The following STAT5B variants were observed in gnomAD, a reference collection of about 807,000 sequenced individuals.
STAT5B encodes signal transducer and activator of transcription 5B.
A neutral mutation model predicts 107.8 loss-of-function variants in STAT5B; 21 were observed. The ratio of observed to expected loss-of-function variants is 0.19; its 90% CI spans 0.14 to 0.28. The LOEUF (loss-of-function observed/expected upper bound fraction) is 0.28, where lower values mean the gene tolerates loss of function less well. STAT5B is among the 10% of genes least tolerant of loss of function. STAT5B has a pLI of 1.00. For missense variants in STAT5B, 565 were observed against 1,008.2 expected (o/e 0.56, Z 5.95); for synonymous variants, 325 against 401.7 (o/e 0.81, Z 2.28).
At chr17:42,260,005 C>T (rs1412679235) in intron 1 of STAT5B, among the ~76,000 whole-genome samples, 1 of 152,142 alleles carries the variant, frequency 6.6e-6, no homozygotes, top group African/African-American at 2.4e-5. Context: ...AAGCAGGAGA[C>T]AGCCCTATAT....
At chr17:42,277,815 G>A (rs1379095335), upstream of STAT5B, among the ~76,000 whole-genome samples, 1 of 150,564 alleles carries the variant, frequency 6.6e-6, no homozygotes, top group African/African-American at 2.5e-5. Flanking sequence ...GAGTGAAATG[G>A]TGCGGTCTCA....
intron 1 of STAT5B, among the ~76,000 whole-genome samples, chr17:42,248,090 G>A (rs111355114): frequency 3.8e-4 from 57 of 151,700 alleles, no homozygotes; most frequent in African/African-American, 1.2e-3. Flanking sequence ...AAGCCTAGGC[G>A]ACATAGTGAG....
chr17:42,212,448 A>G (rs78585540), intron 12 of STAT5B, among the ~76,000 whole-genome samples: 1,797 of 152,340 alleles, frequency 0.012, 28 homozygotes, highest in African/African-American at 0.041. Context: ...CTAACAGTCA[A>G]ATCCTATGTT....
At chr17:42,205,560 G>A (rs570594165) in intron 16 of STAT5B, among the ~76,000 whole-genome samples, 5 of 152,218 alleles carry the variant, frequency 3.3e-5, no homozygotes, top group African/African-American at 1.2e-4. Flanking sequence ...GGCATACAAT[G>A]TTTTTCTCTA....
intron 1 of STAT5B, among the ~76,000 whole-genome samples, chr17:42,244,188 G>A (rs1350437619): frequency 1.3e-5 from 2 of 150,910 alleles, no homozygotes; most frequent in East Asian, 3.9e-4. Context: ...CCTGGGTTCA[G>A]GTGATCCTCC....
chr17:42,209,002 G>A (rs2080107709), intron 15 of STAT5B, among the ~76,000 whole-genome samples: 1 of 150,846 alleles, frequency 6.6e-6, no homozygotes. Context: ...CAAAGTGCTG[G>A]GATTACAGGC....
chr17:42,274,596 A>G (rs2080749721), intron 1 of STAT5B, among the ~76,000 whole-genome samples: 1 of 152,226 alleles, frequency 6.6e-6, no homozygotes, highest in Non-Finnish European at 1.5e-5. Context: ...TTAAAATAAA[A>G]TCAATCAATA....
chr17:42,212,924 T>C (rs944286190), intron 12 of STAT5B, among the ~76,000 whole-genome samples: 3 of 152,252 alleles, frequency 2.0e-5, no homozygotes, highest in African/African-American at 7.2e-5. Context: ...CAGTTTCTTG[T>C]GTATCCCACC....
chr17:42,227,162 A>AATAAATAAATAG (rs2080280675), intron 3 of STAT5B, among the ~76,000 whole-genome samples: 1 of 150,104 alleles, frequency 6.7e-6, no homozygotes, highest in African/African-American at 2.4e-5. Flanking sequence ...TAAATAAATA[A>AATAAATAAATAG]ATAAATAAAT....
intron 8 of STAT5B, 63 bp downstream of exon 8, chr17:42,218,660 G>A: frequency 1.2e-6 from 2 of 1,612,324 alleles, no homozygotes; most frequent in South Asian, 1.1e-5. Context: ...GGCACCTGCG[G>A]CTCCCCCCAC....
At chr17:42,268,023 T>C (rs894431851) in intron 1 of STAT5B, among the ~76,000 whole-genome samples, 2 of 151,758 alleles carry the variant, frequency 1.3e-5, no homozygotes, top group African/African-American at 2.4e-5. Context: ...AAGGTTATTA[T>C]TGAAGAAAGA....
chr17:42,284,132 C>G, the STAT5B span, among the ~76,000 whole-genome samples: 25 of 152,248 alleles, frequency 1.6e-4, no homozygotes, highest in African/African-American at 5.8e-4. Context: ...TCTGTACCAC[C>G]TCCCTCCACC....
chr17:42,264,364 C>T (rs1408275877), intron 1 of STAT5B, among the ~76,000 whole-genome samples: 2 of 122,986 alleles, frequency 1.6e-5, no homozygotes, highest in East Asian at 3.0e-4. Context: ...CCCCTCCCCC[C>T]ACCCCACAAC....
intron 1 of STAT5B, among the ~76,000 whole-genome samples, chr17:42,261,042 G>C (rs1394106182): frequency 6.6e-6 from 1 of 151,272 alleles, no homozygotes; most frequent in Non-Finnish European, 1.5e-5. Flanking sequence ...TCAGCCTCCT[G>C]AGACTACAGA....
At chr17:42,282,362 C>T in the STAT5B span, among the ~76,000 whole-genome samples, 1 of 152,046 alleles carries the variant, frequency 6.6e-6, no homozygotes, top group Non-Finnish European at 1.5e-5. Flanking sequence ...CTCGCTCTGT[C>T]ACCCAGGCTG....
chr17:42,258,084 A>G (rs1412050879), intron 1 of STAT5B, among the ~76,000 whole-genome samples: 1 of 152,212 alleles, frequency 6.6e-6, no homozygotes, highest in Non-Finnish European at 1.5e-5. Flanking sequence ...AGGCTGTCAC[A>G]GTATATTTGG....
At chr17:42,246,970 A>G (rs2080457416) in intron 1 of STAT5B, among the ~76,000 whole-genome samples, 1 of 152,226 alleles carries the variant, frequency 6.6e-6, no homozygotes, top group Non-Finnish European at 1.5e-5. Flanking sequence ...AGGCCAACAG[A>G]ACCGGGGAGA....
In STAT5B at chr17:42,243,184, T is replaced by A. The variant is rs577386279; in HGVS notation, c.-10-11047A>T. Among the ~76,000 whole-genome samples, 671 of 90,590 alleles carry A rather than the reference T, an allele frequency of 7.4e-3. 2 individuals are homozygous for A. The highest frequency in any genetic ancestry group is 0.026 in the African/African-American group (200 of 7,774). The allele number at this position is 90,590 out of a possible 152,430, so 59.4% of individuals were successfully genotyped here. On this transcript the variant is annotated intron_variant, in intron 1 of 18. Coordinates refer to ENST00000293328, the MANE Select transcript of STAT5B (RefSeq NM_012448.4). ...TATATGTGTTTATACTTAAAAAAAA[T>A]AAATAAAAAAAAAATATAAAAATTA...
At chr17:42,206,704 T>C (rs1293727716) in intron 16 of STAT5B, among the ~76,000 whole-genome samples, 1 of 150,346 alleles carries the variant, frequency 6.7e-6, no homozygotes, top group African/African-American at 2.5e-5. Context: ...CCTTCCCGAG[T>C]AGCTGGGATT....
Sources: allele counts gnomAD v4.1 joint callset (sites outside exome capture counted in the v4.1 genomes callset), GRCh38; gene constraint gnomAD v4.1.1; transcripts MANE v1.5; gene names NCBI Gene and HGNC (gene_info 2026-07-23, HGNC 2026-07-21).